Variants in CCDC141 observed in about 807,000 individuals in gnomAD.
CCDC141 encodes the protein coiled-coil domain-containing protein 141.
Under a neutral mutation model 181.0 loss-of-function variants are expected in CCDC141, and 168 were observed. The ratio of observed to expected loss-of-function variants is 0.93; its 90% CI spans 0.82 to 1.05. The LOEUF is 1.05. CCDC141 is among the 50% of genes least tolerant of loss of function. The pLI is 0.00. For missense variants in CCDC141, 1,902 were observed against 1,788.5 expected, an observed-to-expected ratio of 1.06 and a Z score of -1.14; for synonymous variants, 666 against 642.3, an observed-to-expected ratio of 1.04 and a Z score of -0.56.
At chr2:178,931,617 A>T (rs1689105007) in intron 6 of CCDC141, among the ~76,000 whole-genome samples, 1 of 152,192 alleles carries the variant, frequency 6.6e-6, no homozygotes, top group African/African-American at 2.4e-5. Context: ...ATAGGTAAAT[A>T]CATGGACACA....
At chr2:178,841,289 T>C (rs1024494511) in intron 22 of CCDC141, among the ~76,000 whole-genome samples, 2 of 152,226 alleles carry the variant, frequency 1.3e-5, no homozygotes, top group Non-Finnish European at 2.9e-5. Context: ...TCAGTACACA[T>C]TTCTCCACTT....
At chr2:178,975,796 A>G (rs948559518) in intron 3 of CCDC141, among the ~76,000 whole-genome samples, 2 of 152,162 alleles carry the variant, frequency 1.3e-5, no homozygotes, top group Non-Finnish European at 2.9e-5. Context: ...TGACTTAATG[A>G]GAAGAAATGA....
rs192310993 is a variant in CCDC141, at chr2:178,987,286, T to A, written c.226-8611A>T. ...CCATATGTAGAAAGCTGAACCTGGA[T>A]CCCTTCCTTACACCATATACAAAAA... On this transcript the variant is annotated intron_variant, in intron 2 of 23. Coordinates refer to ENST00000443758, the MANE Select transcript of CCDC141 (RefSeq NM_173648.4). Among the ~76,000 whole-genome samples the A allele has an allele frequency of 2.3e-3, 355 of 152,106 alleles. 2 individuals carry two copies. The highest frequency in any genetic ancestry group is 8.0e-3 in the African/African-American group (331 of 41,494).
chr2:178,872,773 T>C (rs576549474), intron 12 of CCDC141, among the ~76,000 whole-genome samples: 2 of 152,330 alleles, frequency 1.3e-5, no homozygotes, highest in East Asian at 3.9e-4. Context: ...AACTATTCCA[T>C]TGTATACATT....
chr2:178,918,182 G>C (rs1688534046), intron 7 of CCDC141, among the ~76,000 whole-genome samples: 1 of 152,038 alleles, frequency 6.6e-6, no homozygotes, highest in Admixed American at 6.5e-5. Flanking sequence ...GGCCAGCGCA[G>C]GAGGATCACT....
At chr2:178,823,077 A>C in the CCDC141 span, among the ~76,000 whole-genome samples, 1 of 152,298 alleles carries the variant, frequency 6.6e-6, no homozygotes, top group Non-Finnish European at 1.5e-5. Flanking sequence ...AACTGTCTTA[A>C]CTTGCTTTGA....
At chr2:178,911,110 A>G (rs1688199304) in intron 7 of CCDC141, among the ~76,000 whole-genome samples, 1 of 152,242 alleles carries the variant, frequency 6.6e-6, no homozygotes. Context: ...GAAAATGTCC[A>G]TTTATAATGT....
At chr2:178,902,133 AT>A (rs1687725687) in intron 8 of CCDC141, among the ~76,000 whole-genome samples, 1 of 152,258 alleles carries the variant, frequency 6.6e-6, no homozygotes, top group South Asian at 2.1e-4. Context: ...AGAACATTCC[AT>A]GCTCATGGGT....
chr2:179,027,368 G>T (rs527309816), intron 2 of CCDC141, among the ~76,000 whole-genome samples: 1 of 152,230 alleles, frequency 6.6e-6, no homozygotes, highest in South Asian at 2.1e-4. Flanking sequence ...TTTCCGGCCA[G>T]GCATGGTGGC....
intron 8 of CCDC141, among the ~76,000 whole-genome samples, chr2:178,897,725 C>T (rs1687481007): frequency 6.6e-6 from 1 of 152,138 alleles, no homozygotes; most frequent in African/African-American, 2.4e-5. Flanking sequence ...CAAATCAATA[C>T]TTCACAAGGT....
chr2:178,915,378 A>T (rs1246675951), intron 7 of CCDC141, among the ~76,000 whole-genome samples: 8 of 152,208 alleles, frequency 5.3e-5, no homozygotes, highest in African/African-American at 1.2e-4. Context: ...AAGTATATTT[A>T]AAAAATCATA....
At chr2:178,935,556 C>T (rs1397517479) in intron 6 of CCDC141, among the ~76,000 whole-genome samples, 2 of 152,070 alleles carry the variant, frequency 1.3e-5, no homozygotes, top group African/African-American at 4.8e-5. Flanking sequence ...TTATGTCTTC[C>T]CTGTTGTGAA....
chr2:179,043,235 C>T (rs1206383594), intron 2 of CCDC141, among the ~76,000 whole-genome samples: 8 of 152,074 alleles, frequency 5.3e-5, no homozygotes, highest in Non-Finnish European at 7.4e-5. Flanking sequence ...AATAAATAGC[C>T]TGCCAACCAA....
At chr2:179,020,588 G>A (rs774508428) in intron 2 of CCDC141, among the ~76,000 whole-genome samples, 1 of 152,134 alleles carries the variant, frequency 6.6e-6, no homozygotes, top group Non-Finnish European at 1.5e-5. Flanking sequence ...TAATCAGAGT[G>A]TGAGTCCCAG....
In CCDC141 at chr2:178,855,554, C is replaced by T. The variant is rs1561639297; in HGVS notation, c.2866-13G>A. ...TCCTTTTCAAAGCCTGTGTGAAAAA[C>T]AAAAAGTTTTTTAAACAACATTCAA... On this transcript the variant is annotated splice_polypyrimidine_tract_variant and intron_variant, in intron 18 of 23. Coordinates refer to ENST00000443758, the MANE Select transcript of CCDC141 (RefSeq NM_173648.4). 2.6e-6 allele frequency: 4 copies of T among 1,540,604 alleles called. No homozygotes were observed. The African/African-American group carries it at 5.6e-5, about 22-fold the overall frequency.
At chr2:179,015,350 CATACATATCCCATATATGTATCAT>C (rs1207627171) in intron 2 of CCDC141, among the ~76,000 whole-genome samples, 1 of 138,984 alleles carries the variant, frequency 7.2e-6, no homozygotes, top group African/African-American at 2.6e-5. Flanking sequence ...ATATATGTAT[CATACATATCCCATATATGTATCAT>C]ATATATCTCA....
At position 178,834,185 on chromosome 2, in the gene CCDC141, G is replaced by A. The variant is rs1230024365; in HGVS notation, c.4581C>T (p.Leu1527=). The A allele has an allele frequency of 6.5e-7, 1 of 1,535,924 alleles. No homozygotes were observed. Among genetic ancestry groups the A allele is most frequent in the South Asian group, 1.2e-5 (1 of 84,050 alleles). ...GCCAACACCACAGTTATTGTGTGAG[G>A]AGCCAGTACATTAGGGACACACTAA... ...VYVSVSLMYW[L]LTQ is the part of the protein sequence containing the mutation. The change falls in exon 24 of 24, where the codon CTC becomes CTT. Residue 1527 remains leucine (L), a synonymous_variant. Coordinates refer to ENST00000443758, the MANE Select transcript of CCDC141 (RefSeq NM_173648.4).
chr2:178,866,030 G>C (rs1685838161), intron 16 of CCDC141, 114 bp from the exon 17 acceptor site: 2 of 818,470 alleles, frequency 2.4e-6, no homozygotes, highest in Non-Finnish European at 3.4e-6. Flanking sequence ...AAAAGAAATA[G>C]GTTCCTGATT....
chr2:178,934,515 T>C (rs1305037678), intron 6 of CCDC141, among the ~76,000 whole-genome samples: 1 of 152,114 alleles, frequency 6.6e-6, no homozygotes, highest in Non-Finnish European at 1.5e-5. Context: ...AAAAAAGAAT[T>C]TTCATATTCG....
Sources: allele counts gnomAD v4.1 joint callset (sites outside exome capture counted in the v4.1 genomes callset), GRCh38; gene constraint gnomAD v4.1.1; transcripts MANE v1.5; gene names NCBI Gene and HGNC (gene_info 2026-07-23, HGNC 2026-07-21).